SMAD2: variants seen among roughly 807,000 people sequenced by gnomAD.
The protein encoded by SMAD2 is MAD homolog 2.
A neutral mutation model predicts 64.4 loss-of-function variants in SMAD2; 8 were observed. The observed-to-expected ratio is 0.12, with a 90% CI of 0.07 to 0.22. SMAD2 has a LOEUF of 0.22. Among genes scored for constraint, SMAD2 ranks in the 10% least tolerant of loss-of-function variants. The pLI is 1.00. For synonymous variants in SMAD2, 203 were observed against 195.8 expected (o/e 1.04, Z -0.31); for missense variants, 289 against 561.2 (o/e 0.51, Z 4.90).
intron 5 of SMAD2, among the ~76,000 whole-genome samples, chr18:47,866,355 T>C (rs1354641773): frequency 7.7e-6 from 1 of 129,334 alleles, no homozygotes. Flanking sequence ...GAAGAGAAGA[T>C]ACAGGTTAAG....
rs536513937 is a variant in SMAD2 at position 47,815,645 on chromosome 18, C to T, written c.*26182G>A. 1.6e-4 allele frequency: 25 copies of T among 152,284 alleles called. No individual in the cohort carries two copies. Among genetic ancestry groups the T allele is most frequent in the African/African-American group, 5.8e-4 (24 of 41,540 alleles). 9.4% of individuals were successfully genotyped at this position (152,284 alleles called of 1,614,324 possible). Reference sequence around the variant, plus strand: ...ACTTCCTCCAAGTCTGAGTACAGCACGCAAGGGCAACTGCAGCAAATGGAG... The same window carrying T: ...ACTTCCTCCAAGTCTGAGTACAGCATGCAAGGGCAACTGCAGCAAATGGAG... On this transcript the variant is annotated 3_prime_UTR_variant, in exon 11 of 11. Transcript: ENST00000262160.
intron 6 of SMAD2, among the ~76,000 whole-genome samples, chr18:47,857,155 T>C (rs1434384199): frequency 6.6e-6 from 1 of 152,230 alleles, no homozygotes; most frequent in Non-Finnish European, 1.5e-5. Context: ...AACATCCATT[T>C]GTTGTATAAT....
At chr18:47,875,591 A>G (rs1449913358) in intron 2 of SMAD2, among the ~76,000 whole-genome samples, 2 of 152,156 alleles carry the variant, frequency 1.3e-5, no homozygotes, top group Non-Finnish European at 2.9e-5. Flanking sequence ...AGCACTGATT[A>G]TAACAACTAT....
chr18:47,891,716 C>CA (rs2033203609), intron 2 of SMAD2, among the ~76,000 whole-genome samples: 1 of 151,876 alleles, frequency 6.6e-6, no homozygotes, highest in Non-Finnish European at 1.5e-5. Flanking sequence ...AAGGCAAAAA[C>CA]AGTCATAAAC....
intron 1 of SMAD2, among the ~76,000 whole-genome samples, chr18:47,916,324 T>C (rs934991322): frequency 6.6e-5 from 10 of 152,250 alleles, no homozygotes; most frequent in Non-Finnish European, 1.0e-4. Context: ...TTGGTTGCAC[T>C]TGCCCATACG....
Position 47,924,192 on chromosome 18 carries a change from G to A in SMAD2, c.-54+6169C>T, listed in dbSNP as rs79179293. On this transcript the variant is annotated intron_variant, in intron 1 of 10. Transcript: ENST00000262160. ...GAACCTAGGAGGCGGAGGTTGCAGT[G>A]AGCCAAGATCGCACCACTGCACTCC... 3.9e-4 allele frequency among the ~76,000 whole-genome samples: 57 copies of A among 144,570 alleles called. No individual in the cohort carries two copies. In the East Asian group the frequency reaches 0.011, roughly 28 times the overall value. The allele number at this position is 144,570 out of a possible 152,430, so 94.8% of individuals were successfully genotyped here. A position where few individuals can be genotyped will look rare whatever the true frequency, so the allele number is the denominator to read the frequency against.
chr18:47,881,469 CATTT>C (rs2032584400), intron 2 of SMAD2, among the ~76,000 whole-genome samples: 1 of 152,180 alleles, frequency 6.6e-6, no homozygotes, highest in African/African-American at 2.4e-5. Flanking sequence ...TAAATTTACT[CATTT>C]GTTTTAGTGG....
intron 1 of SMAD2, among the ~76,000 whole-genome samples, chr18:47,928,279 A>G (rs2034848722): frequency 6.6e-6 from 1 of 152,234 alleles, no homozygotes; most frequent in South Asian, 2.1e-4. Context: ...AAACAAGAAC[A>G]AGGAAAGACT....
intron 10 of SMAD2, among the ~76,000 whole-genome samples, chr18:47,842,547 G>T (rs1440741197): frequency 6.6e-6 from 1 of 151,878 alleles, no homozygotes; most frequent in Non-Finnish European, 1.5e-5. Context: ...TCGGGGTGGG[G>T]GGCAGAAAAA....
At chr18:47,897,307 GAAAT>G (rs1301632929) in intron 1 of SMAD2, among the ~76,000 whole-genome samples, 1 of 152,186 alleles carries the variant, frequency 6.6e-6, no homozygotes, top group Non-Finnish European at 1.5e-5. Context: ...CAAGAATAAA[GAAAT>G]AAACATGGCA....
rs1323129355 is a variant in SMAD2 at position 47,809,841 on chromosome 18, T to A, written c.*31986A>T. The A allele has an allele frequency of 2.6e-5, 4 of 152,238 alleles. No homozygotes were observed. Among genetic ancestry groups the A allele is most frequent in the African/African-American group, 9.6e-5 (4 of 41,476 alleles). The allele number at this position is 152,238 out of a possible 1,614,324, so 9.4% of individuals were successfully genotyped here. On this transcript the variant is annotated 3_prime_UTR_variant, in exon 11 of 11. Transcript: ENST00000262160. ...TTTTAATTCTCCAACCAAAAAGAACTACTCATTTCCTTTTGCCTCATGGCC... is the reference window on the plus strand; with the variant it reads ...TTTTAATTCTCCAACCAAAAAGAACAACTCATTTCCTTTTGCCTCATGGCC...
intron 2 of SMAD2, chr18:47,895,580 G>T (rs1000370617): frequency 6.6e-6 from 1 of 152,096 alleles, no homozygotes; most frequent in African/African-American, 2.4e-5. Context: ...ATAAGCATTT[G>T]TAAAACAAAT....
chr18:47,909,956 C>T (rs911279395), intron 1 of SMAD2, among the ~76,000 whole-genome samples: 2 of 151,986 alleles, frequency 1.3e-5, no homozygotes, highest in African/African-American at 4.8e-5. Flanking sequence ...ATGGAAAAGA[C>T]CGTCAATGTT....
In SMAD2 at chr18:47,818,769, GGTT is replaced by G. The variant is rs1912460457; in HGVS notation, c.*23055_*23057del. The G allele has an allele frequency of 6.6e-6, 1 of 152,106 alleles. No homozygotes were observed. The highest frequency in any genetic ancestry group is 1.5e-5 in the Non-Finnish European group (1 of 68,024). 9.4% of individuals were successfully genotyped at this position (152,106 alleles called of 1,614,324 possible). A position where few individuals can be genotyped will look rare whatever the true frequency, so the allele number is the denominator to read the frequency against. On this transcript the variant is annotated 3_prime_UTR_variant, in exon 11 of 11. Transcript: ENST00000262160. ...AAGGGGTTGGGGAGGTGGGGTAAGAGGTTTTTTAAAAATCCAAACTGCTATTTA... is the reference window on the plus strand; with the variant it reads ...AAGGGGTTGGGGAGGTGGGGTAAGAGTTTTAAAAATCCAAACTGCTATTTA...
chr18:47,873,006 C>T (rs1057187142), intron 2 of SMAD2, among the ~76,000 whole-genome samples: 1 of 152,024 alleles, frequency 6.6e-6, no homozygotes, highest in African/African-American at 2.4e-5. Flanking sequence ...GGACTATAGG[C>T]GTGTGTCACC....
At chr18:47,912,924 AAC>A (rs528871712) in intron 1 of SMAD2, among the ~76,000 whole-genome samples, 39 of 150,370 alleles carry the variant, frequency 2.6e-4, no homozygotes, top group African/African-American at 7.3e-4. Context: ...CAGTTTCTGT[AAC>A]ACTTTTTTTT....
intron 2 of SMAD2, among the ~76,000 whole-genome samples, chr18:47,885,047 TAAAGA>T (rs2144430861): frequency 6.6e-6 from 1 of 152,134 alleles, no homozygotes; most frequent in South Asian, 2.1e-4. Context: ...ACTTTTTACT[TAAAGA>T]AAACAAAAGC....
chr18:47,870,318 T>C (rs2031857174), intron 3 of SMAD2, among the ~76,000 whole-genome samples, 157 bp downstream of exon 3: 1 of 152,200 alleles, frequency 6.6e-6, no homozygotes, highest in Admixed American at 6.5e-5. Flanking sequence ...TTAATATATT[T>C]TTTATACTGG....
chr18:47,900,033 T>A (rs1598861716), intron 1 of SMAD2, among the ~76,000 whole-genome samples: 1 of 152,030 alleles, frequency 6.6e-6, no homozygotes. Flanking sequence ...AGCTGTAAAA[T>A]AAGGATAACA....
Sources: gnomAD v4.1 joint callset for allele counts (sites outside exome capture counted in the v4.1 genomes callset) on GRCh38, gnomAD v4.1.1 for gene constraint, MANE v1.5 for transcripts, NCBI Gene and HGNC (gene_info 2026-07-23, HGNC 2026-07-21) for gene names.